DGKK: variants seen among roughly 807,000 people sequenced by gnomAD.
DGKK encodes 142 kDa diacylglycerol kinase.
A neutral mutation model predicts 92.2 loss-of-function variants in DGKK; 35 were observed. The ratio of observed to expected loss-of-function variants is 0.38; its 90% confidence interval spans 0.29 to 0.50. DGKK has a LOEUF of 0.50. DGKK is among the 20% of genes least tolerant of loss of function. DGKK has a pLI of 0.92. For synonymous variants in DGKK, 368 were observed against 360.6 expected (o/e 1.02, Z -0.23); for missense variants, 910 against 992.2 (o/e 0.92, Z 1.11).
intron 1 of DGKK, among the ~76,000 whole-genome samples, chrX:50,432,497 C>A (rs1043435532): frequency 2.7e-5 from 3 of 112,101 alleles, no homozygotes; most frequent in Non-Finnish European, 5.6e-5. Context: ...ATACAATGAA[C>A]CCTTTTAGAT....
At position 50,391,520 on chromosome X, in the gene DGKK, G is replaced by C; in HGVS notation, c.1761C>G (p.Gly587=). The change falls in exon 11 of 28, where the codon GGC becomes GGG. Residue 587 remains glycine (G), a synonymous_variant. Transcript: ENST00000611977. ...TGCTTTTGTTCCAGAATGCACCCCA[G>C]CCCAGAACACGAGCCAGATCATTGC... ...GTGNDLARVL[G]WGAFWNKSKS... 1 of 1,211,332 alleles carries C rather than the reference G, an allele frequency of 8.3e-7. No homozygotes were observed. The highest frequency in any genetic ancestry group is 1.7e-5 in the African/African-American group (1 of 57,764).
At chrX:50,434,250 A>T (rs952320370) in intron 1 of DGKK, among the ~76,000 whole-genome samples, 2 of 111,569 alleles carry the variant, frequency 1.8e-5, no homozygotes, top group Non-Finnish European at 3.8e-5. Context: ...CTCCTTCTCC[A>T]AAGGAAGAGA....
chrX:50,392,203 C>A, intron 10 of DGKK, 138 bp downstream of exon 10: 1 of 457,768 alleles, frequency 2.2e-6, no homozygotes, highest in South Asian at 3.7e-5. Flanking sequence ...GGGAATCTAC[C>A]AGTCAGGCTG....
intron 1 of DGKK, among the ~76,000 whole-genome samples, chrX:50,449,752 T>C (rs73213620): frequency 3.0e-3 from 335 of 111,539 alleles, no homozygotes; most frequent in Non-Finnish European, 4.7e-3. Flanking sequence ...GAGTTGAAGC[T>C]TTCTTGACTG....
chrX:50,403,360 C>T (rs997850247), intron 6 of DGKK, 131 bp downstream of exon 6: 2 of 857,412 alleles, frequency 2.3e-6, no homozygotes, highest in African/African-American at 4.0e-5. Context: ...GTTCATTCTT[C>T]CAGATAAGTT....
chrX:50,371,612 CAGCACTGG>C, intron 26 of DGKK, 104 bp downstream of exon 26: 1 of 520,233 alleles, frequency 1.9e-6, no homozygotes, highest in Middle Eastern at 3.6e-4. Context: ...AGTTTAAAGC[CAGCACTGG>C]ACCCCCTGTA....
chrX:50,410,583 A>G (rs1167096354), intron 4 of DGKK, among the ~76,000 whole-genome samples: 8 of 111,978 alleles, frequency 7.1e-5, no homozygotes, highest in Non-Finnish European at 1.5e-4. Context: ...TCCCTGCACT[A>G]CAGAAATCCA....
rs781876937 is a variant in DGKK, at chrX:50,384,723, G to A, written c.2449C>T (p.Arg817Cys). ...AAGAAGACAGAAAGATCCTTACGGCGTCGTGGGCTTGTCTGGTTAATATCT... is the reference window on the plus strand; with the variant it reads ...AAGAAGACAGAAAGATCCTTACGGCATCGTGGGCTTGTCTGGTTAATATCT... Reference protein sequence around the residue: ...PEDINQTSPRRRSRRGTLSSI... With the variant: ...PEDINQTSPRCRSRRGTLSSI... Residue 817 changes from arginine to cysteine, a missense_variant, in exon 16 of 28, where the codon CGC becomes TGC. Coordinates refer to ENST00000611977, the MANE Select transcript of DGKK (RefSeq NM_001013742.4). The A allele has an allele frequency of 6.7e-5, 81 of 1,205,663 alleles. No individual in the cohort carries two copies. Among genetic ancestry groups the A allele is most frequent in the African/African-American group, 3.0e-4 (17 of 57,162 alleles).
intron 1 of DGKK, among the ~76,000 whole-genome samples, chrX:50,429,786 T>G (rs1016995557): frequency 6.2e-5 from 7 of 112,605 alleles, no homozygotes; most frequent in Non-Finnish European, 1.1e-4. Flanking sequence ...CTTGTTTTTC[T>G]AAAGACCTAA....
chrX:50,402,037 C>T (rs1156864886), intron 7 of DGKK, among the ~76,000 whole-genome samples: 2 of 111,623 alleles, frequency 1.8e-5, no homozygotes, highest in Non-Finnish European at 3.8e-5. Context: ...TCTCCACACA[C>T]TGACAAATGT....
intron 1 of DGKK, among the ~76,000 whole-genome samples, chrX:50,450,476 G>A (rs1926470826): frequency 8.9e-6 from 1 of 111,972 alleles, no homozygotes; most frequent in Non-Finnish European, 1.9e-5. Context: ...TACAGAACTT[G>A]ATCCTGTTGC....
chrX:50,412,037 A>G (rs1925317457), intron 4 of DGKK, among the ~76,000 whole-genome samples: 1 of 111,622 alleles, frequency 9.0e-6, no homozygotes, highest in Non-Finnish European at 1.9e-5. Context: ...TCCCAAATCC[A>G]AAAATCTGAC....
intron 1 of DGKK, among the ~76,000 whole-genome samples, chrX:50,435,258 A>G (rs943961169): frequency 8.9e-6 from 1 of 112,457 alleles, no homozygotes; most frequent in Non-Finnish European, 1.9e-5. Context: ...GAGAAACTCA[A>G]TTTTGGTGAT....
At chrX:50,434,425 C>A (rs1557230579) in intron 1 of DGKK, among the ~76,000 whole-genome samples, 1 of 111,488 alleles carries the variant, frequency 9.0e-6, no homozygotes, top group African/African-American at 3.3e-5. Flanking sequence ...GGGGTTTGAA[C>A]CCTGATCTTT....
intron 1 of DGKK, among the ~76,000 whole-genome samples, chrX:50,432,655 G>C (rs183046121): frequency 4.1e-3 from 464 of 112,455 alleles, no homozygotes; most frequent in African/African-American, 0.014. Context: ...CAAAAACTCT[G>C]TATATACATG....
chrX:50,434,773 C>T (rs1925976270), intron 1 of DGKK, among the ~76,000 whole-genome samples: 1 of 111,740 alleles, frequency 8.9e-6, no homozygotes, highest in Non-Finnish European at 1.9e-5. Context: ...TATGCTGGAC[C>T]ATGCTTGGGA....
intron 18 of DGKK, among the ~76,000 whole-genome samples, chrX:50,380,491 T>G (rs1259109079): frequency 9.0e-6 from 1 of 110,695 alleles, no homozygotes; most frequent in Non-Finnish European, 1.9e-5. Flanking sequence ...ACTCTTAGAG[T>G]GCAATTTTTT....
intron 4 of DGKK, among the ~76,000 whole-genome samples, chrX:50,408,386 TTTC>T (rs1263341114): frequency 2.7e-5 from 3 of 112,233 alleles, no homozygotes; most frequent in Non-Finnish European, 3.8e-5. Flanking sequence ...TATCCCTTTC[TTTC>T]TTTTTTTGAG....
intron 1 of DGKK, among the ~76,000 whole-genome samples, chrX:50,442,049 A>G (rs782785860): frequency 7.2e-5 from 8 of 111,188 alleles, no homozygotes; most frequent in Non-Finnish European, 1.5e-4. Context: ...AGGCTTCTTG[A>G]ATCAGAATGC....
Sources: gnomAD v4.1 joint callset for allele counts (sites outside exome capture counted in the v4.1 genomes callset) on GRCh38, gnomAD v4.1.1 for gene constraint, MANE v1.5 for transcripts, NCBI Gene and HGNC (gene_info 2026-07-23, HGNC 2026-07-21) for gene names.